NAV2: variants seen among roughly 807,000 people sequenced by gnomAD.
NAV2 encodes neuron navigator 2, also known as helicase, APC down-regulated 1.
A neutral mutation model predicts 223.2 loss-of-function variants in NAV2; 54 were observed. The observed-to-expected ratio is 0.24, with a 90% CI of 0.19 to 0.30. The LOEUF is 0.30. NAV2 is among the 10% of genes least tolerant of loss of function. NAV2 has a pLI of 1.00. For synonymous variants in NAV2, 1,279 were observed against 1,239.3 expected (o/e 1.03, Z -0.67); for missense variants, 2,806 against 3,147.5 (o/e 0.89, Z 2.60).
chr11:19,899,114 T>C (rs2042236397), intron 6 of NAV2, among the ~76,000 whole-genome samples: 1 of 152,168 alleles, frequency 6.6e-6, no homozygotes, highest in Non-Finnish European at 1.5e-5. Flanking sequence ...CCTCATCTGA[T>C]GGGAGCGCCA....
At chr11:19,391,362 C>T (rs1849241972) in intron 1 of NAV2, among the ~76,000 whole-genome samples, 1 of 152,202 alleles carries the variant, frequency 6.6e-6, no homozygotes. Context: ...AGCCTGGTTT[C>T]TACCACCCTG....
At chr11:19,809,674 T>C (rs1041007705) in intron 1 of NAV2, among the ~76,000 whole-genome samples, 1 of 152,254 alleles carries the variant, frequency 6.6e-6, no homozygotes, top group Non-Finnish European at 1.5e-5. Context: ...TTAGCTCTCA[T>C]GCATCCTTAG....
intron 1 of NAV2, among the ~76,000 whole-genome samples, chr11:19,791,453 G>T (rs964926803): frequency 6.6e-6 from 1 of 152,122 alleles, no homozygotes; most frequent in Non-Finnish European, 1.5e-5. Flanking sequence ...GGGAGCACAC[G>T]CTGGCATGAC....
In NAV2 at chr11:19,400,629, C is replaced by T. The variant is rs533182029; in HGVS notation, c.75+49602C>T. ...AGAATAGGGATAATGACTCTTAACT[C>T]GCATGTCATTAGAAGGTAAGAATTA... On this transcript the variant is annotated intron_variant, in intron 1 of 37. Coordinates refer to the NAV2 transcript ENST00000360655. 1.4e-4 allele frequency among the ~76,000 whole-genome samples: 22 copies of T among 152,242 alleles called. No individual in the cohort carries two copies. In the South Asian group the frequency reaches 3.3e-3, roughly 23 times the overall value.
In NAV2 at chr11:19,518,889, C is replaced by A. The variant is rs960702683; in HGVS notation, c.75+167862C>A. Among the ~76,000 whole-genome samples, 16 of 152,184 alleles carry A rather than the reference C, an allele frequency of 1.1e-4. No individual in the cohort carries two copies. The South Asian group carries it at 2.5e-3, about 24-fold the overall frequency. ...GTAATTAGATCATAAGGGTGGAACC[C>A]TCATGAATGGGATCCACATCCTTAT... On this transcript the variant is annotated intron_variant, in intron 1 of 37. Coordinates refer to the NAV2 transcript ENST00000360655.
chr11:19,577,626 C>T (rs1202845287), intron 1 of NAV2, among the ~76,000 whole-genome samples: 1 of 152,182 alleles, frequency 6.6e-6, no homozygotes, highest in Non-Finnish European at 1.5e-5. Context: ...TATTTTTAGC[C>T]CTTTTATCAC....
chr11:19,705,088 G>GAAATAAATAAATAAAT (rs10646001), intron 1 of NAV2, among the ~76,000 whole-genome samples: 226 of 147,858 alleles, frequency 1.5e-3, no homozygotes, highest in African/African-American at 4.3e-3. Context: ...TCAATTCGTA[G>GAAATAAATAAATAAAT]AAATAAATAA....
intron 1 of NAV2, among the ~76,000 whole-genome samples, chr11:19,757,036 G>A (rs2054292095): frequency 7.8e-6 from 1 of 127,934 alleles, no homozygotes; most frequent in South Asian, 2.4e-4. Flanking sequence ...CTGATCCACG[G>A]GGAAGACCCT....
chr11:19,546,390 C>A (rs1454789577), intron 1 of NAV2, among the ~76,000 whole-genome samples: 2 of 152,184 alleles, frequency 1.3e-5, no homozygotes, highest in African/African-American at 2.4e-5. Flanking sequence ...CATGCTGGGG[C>A]CCTGGGTGTG....
At position 20,117,122 on chromosome 11, in the gene NAV2, CCCTAG is replaced by C. The variant is rs2153730533; in HGVS notation, c.7165-1009_7165-1005del. Among the ~76,000 whole-genome samples, 3 of 152,268 alleles carry C rather than the reference CCCTAG, an allele frequency of 2.0e-5. No individual in the cohort carries two copies. The East Asian group carries it at 5.8e-4, about 29-fold the overall frequency. On this transcript the variant is annotated intron_variant, in intron 37 of 37. Transcript: ENST00000349880. ...TATGCCCAGCTGCACCACATCTTGG[CCCTAG>C]CTCAGAGAGGCCCCATATTCCTGAC...
At chr11:19,634,710 G>A (rs573474611) in intron 1 of NAV2, among the ~76,000 whole-genome samples, 9 of 152,322 alleles carry the variant, frequency 5.9e-5, no homozygotes, top group African/African-American at 2.2e-4. Context: ...GACAAGGGAA[G>A]AGGCAATTAA....
At chr11:19,737,475 G>T (rs1422836504) in intron 1 of NAV2, among the ~76,000 whole-genome samples, 1 of 152,144 alleles carries the variant, frequency 6.6e-6, no homozygotes, top group African/African-American at 2.4e-5. Flanking sequence ...ATGGGGAAAG[G>T]GCCCAGCTGT....
chr11:19,661,172 A>G (rs1481849380), intron 1 of NAV2, among the ~76,000 whole-genome samples: 1 of 152,118 alleles, frequency 6.6e-6, no homozygotes, highest in African/African-American at 2.4e-5. Flanking sequence ...TACTCTAGGT[A>G]CCTCACATGA....
At chr11:19,614,040 G>A (rs1217218069) in intron 1 of NAV2, among the ~76,000 whole-genome samples, 1 of 152,104 alleles carries the variant, frequency 6.6e-6, no homozygotes, top group Non-Finnish European at 1.5e-5. Flanking sequence ...TTCCTTCAGG[G>A]CCCCTTTCAT....
At chr11:20,014,909 AATAAATAAATATAAAT>A (rs2053875400) in intron 11 of NAV2, among the ~76,000 whole-genome samples, 1 of 151,332 alleles carries the variant, frequency 6.6e-6, no homozygotes, top group Non-Finnish European at 1.5e-5. Flanking sequence ...CTCAAAAATA[AATAAATAAATATAAAT>A]ATAAATATAA....
At chr11:19,476,124 G>A (rs1030709546) in intron 1 of NAV2, among the ~76,000 whole-genome samples, 4 of 152,092 alleles carry the variant, frequency 2.6e-5, no homozygotes, top group Non-Finnish European at 5.9e-5. Flanking sequence ...ACAGGCACGC[G>A]CCACCATGTC....
intron 11 of NAV2, among the ~76,000 whole-genome samples, chr11:19,988,789 C>G (rs1294831284): frequency 1.3e-5 from 2 of 152,168 alleles, no homozygotes; most frequent in Non-Finnish European, 2.9e-5. Context: ...CTGAGCCCTC[C>G]TTCCTTGCTG....
At chr11:19,975,417 T>C (rs1012499958) in intron 10 of NAV2, among the ~76,000 whole-genome samples, 6 of 152,258 alleles carry the variant, frequency 3.9e-5, no homozygotes, top group Non-Finnish European at 8.8e-5. Context: ...AGGGCTATTA[T>C]AGGCCTTTCA....
rs1018080870 is a variant in NAV2, at chr11:19,984,037, C to G, written c.2646-88C>G. On this transcript the variant is annotated intron_variant, in intron 10 of 37. Transcript: ENST00000349880. ...GTTTCTTCCCCCTTAGAGCACTTGG[C>G]GGCTGTACAGGCTTCTGGATATGAA... 3.2e-6 allele frequency: 5 copies of G among 1,559,532 alleles called. No homozygotes were observed. The Admixed American group carries it at 6.7e-5, about 21-fold the overall frequency.
Sources: allele counts gnomAD v4.1 joint callset (sites outside exome capture counted in the v4.1 genomes callset), GRCh38; gene constraint gnomAD v4.1.1; transcripts MANE v1.5; gene names NCBI Gene and HGNC (gene_info 2026-07-23, HGNC 2026-07-21).